CHST11: variants seen among roughly 807,000 people sequenced by gnomAD.
CHST11 encodes C4S-1.
CHST11 carries 9 observed loss-of-function variants against 30.4 expected under a neutral mutation model. The observed-to-expected ratio is 0.30, with a 90% CI of 0.18 to 0.52. CHST11 has a LOEUF of 0.52. Among genes scored for constraint, CHST11 ranks in the 20% least tolerant of loss-of-function variants. CHST11 has a pLI of 0.97. For missense variants in CHST11, 348 were observed against 460.6 expected (o/e 0.76, Z 2.24); for synonymous variants, 152 against 187.8 (o/e 0.81, Z 1.56).
chr12:104,700,865 CT>C (rs1366403652), intron 2 of CHST11, among the ~76,000 whole-genome samples: 1 of 152,106 alleles, frequency 6.6e-6, no homozygotes, highest in Non-Finnish European at 1.5e-5. Context: ...AATCCCAGCA[CT>C]TTGGGAGGCT....
intron 1 of CHST11, among the ~76,000 whole-genome samples, chr12:104,598,185 G>A (rs1230499582): frequency 3.9e-5 from 6 of 152,146 alleles, no homozygotes; most frequent in African/African-American, 1.4e-4. Flanking sequence ...ATAATTGCTG[G>A]TCCTTCCTTT....
intron 2 of CHST11, among the ~76,000 whole-genome samples, chr12:104,658,940 G>A (rs1339721017): frequency 6.6e-6 from 1 of 152,238 alleles, no homozygotes; most frequent in African/African-American, 2.4e-5. Flanking sequence ...TGGTGAAGCT[G>A]GGATTTGAAC....
At position 104,655,384 on chromosome 12, in the gene CHST11, G is replaced by A. The variant is rs900356992; in HGVS notation, c.204+53393G>A. 2.3e-4 allele frequency among the ~76,000 whole-genome samples: 35 copies of A among 152,220 alleles called. 1 individual carries two copies. Among genetic ancestry groups the A allele is most frequent in the African/African-American group, 7.2e-4 (30 of 41,448 alleles). ...CAGCTCTGCCCCTCCAGCCTCGGCA[G>A]GATAGCTAGGGATGGATTCCACCAC... is the stretch of plus-strand genomic sequence containing the variant. On this transcript the variant is annotated intron_variant, in intron 2 of 2. Coordinates refer to ENST00000303694, the MANE Select transcript of CHST11 (RefSeq NM_018413.6).
intron 2 of CHST11, among the ~76,000 whole-genome samples, chr12:104,698,065 C>G (rs34639781): frequency 0.12 from 18,459 of 152,198 alleles, 1,304 homozygotes; most frequent in Non-Finnish European, 0.15. Flanking sequence ...CGTCAATGTC[C>G]CCTAGTTGAA....
chr12:104,469,264 A>G (rs1333079852), intron 1 of CHST11, among the ~76,000 whole-genome samples: 1 of 152,240 alleles, frequency 6.6e-6, no homozygotes, highest in Non-Finnish European at 1.5e-5. Context: ...ACCCGCTGCC[A>G]AGGCCAAAAC....
chr12:104,635,932 G>T (rs2136071132), intron 2 of CHST11, among the ~76,000 whole-genome samples: 1 of 152,340 alleles, frequency 6.6e-6, no homozygotes, highest in East Asian at 1.9e-4. Context: ...GAACATCATT[G>T]TCATTCAACC....
At chr12:104,645,788 C>T (rs962807795) in intron 2 of CHST11, among the ~76,000 whole-genome samples, 1 of 152,142 alleles carries the variant, frequency 6.6e-6, no homozygotes. Flanking sequence ...GAAAAAACAA[C>T]AGCACCAAAT....
chr12:104,674,425 T>G (rs570984242), intron 2 of CHST11, among the ~76,000 whole-genome samples: 1 of 152,268 alleles, frequency 6.6e-6, no homozygotes, highest in South Asian at 2.1e-4. Flanking sequence ...GCTGTTACAA[T>G]CCACATTTTA....
intron 1 of CHST11, among the ~76,000 whole-genome samples, chr12:104,527,244 A>T (rs1020170631): frequency 6.6e-6 from 1 of 152,204 alleles, no homozygotes; most frequent in Non-Finnish European, 1.5e-5. Flanking sequence ...CTTATCTTCC[A>T]GCCTCCAGAA....
intron 1 of CHST11, among the ~76,000 whole-genome samples, chr12:104,476,965 A>G (rs1459871043): frequency 6.6e-6 from 1 of 152,108 alleles, no homozygotes; most frequent in Non-Finnish European, 1.5e-5. Context: ...TGAATGAGCC[A>G]AGGAAGGTAA....
chr12:104,579,178 T>C (rs185273258), intron 1 of CHST11, among the ~76,000 whole-genome samples: 1 of 152,330 alleles, frequency 6.6e-6, no homozygotes, highest in Admixed American at 6.5e-5. Context: ...TGGGTCTGTT[T>C]CCCCTCCTCC....
intron 2 of CHST11, among the ~76,000 whole-genome samples, chr12:104,705,794 G>A (rs565243945): frequency 6.2e-4 from 94 of 152,156 alleles, no homozygotes; most frequent in Admixed American, 2.3e-3. Flanking sequence ...AGTGGTATGC[G>A]CTTGTAATCC....
At chr12:104,548,279 T>TAAGGCAAGGAGGCAG (rs2038371193) in intron 1 of CHST11, among the ~76,000 whole-genome samples, 1 of 152,172 alleles carries the variant, frequency 6.6e-6, no homozygotes, top group Non-Finnish European at 1.5e-5. Flanking sequence ...CAGGGAGAAG[T>TAAGGCAAGGAGGCAG]GATGTGCTGG....
chr12:104,592,448 G>T (rs190863265), intron 1 of CHST11, among the ~76,000 whole-genome samples: 117 of 152,232 alleles, frequency 7.7e-4, no homozygotes, highest in African/African-American at 2.8e-3. Context: ...GGTGGAGGGG[G>T]TAAGTGGTCT....
intron 1 of CHST11, among the ~76,000 whole-genome samples, chr12:104,568,422 G>A (rs990201148): frequency 3.3e-5 from 5 of 152,186 alleles, no homozygotes; most frequent in Admixed American, 3.3e-4. Context: ...GCAGCAGCAA[G>A]TGTGGCTGAT....
intron 2 of CHST11, among the ~76,000 whole-genome samples, chr12:104,715,772 C>T (rs544232810): frequency 1.3e-5 from 2 of 152,314 alleles, no homozygotes; most frequent in East Asian, 1.9e-4. Context: ...TGCCACCTTG[C>T]TGTCCCCACC....
intron 2 of CHST11, among the ~76,000 whole-genome samples, chr12:104,717,847 G>A (rs1023246332): frequency 2.6e-5 from 4 of 152,128 alleles, no homozygotes; most frequent in Non-Finnish European, 5.9e-5. Flanking sequence ...CTACTTGGGA[G>A]GCTGAGGCAG....
chr12:104,544,769 T>TCCCCCCC (rs199741884), intron 1 of CHST11, among the ~76,000 whole-genome samples: 1 of 51,458 alleles, frequency 1.9e-5, no homozygotes, highest in Non-Finnish European at 4.4e-5. Context: ...GGGGTCACAG[T>TCCCCCCC]CCCCCCACCC....
chr12:104,733,928 C>T (rs1207183183), intron 2 of CHST11, among the ~76,000 whole-genome samples: 1 of 152,252 alleles, frequency 6.6e-6, no homozygotes, highest in Admixed American at 6.5e-5. Context: ...ATGATGGCTG[C>T]CATGCCCCCA....
Sources: gnomAD v4.1 joint callset for allele counts (sites outside exome capture counted in the v4.1 genomes callset) on GRCh38, gnomAD v4.1.1 for gene constraint, MANE v1.5 for transcripts, NCBI Gene and HGNC (gene_info 2026-07-23, HGNC 2026-07-21) for gene names.